KMT2A: variants seen among roughly 807,000 people sequenced by gnomAD.
The protein encoded by KMT2A is histone-lysine N-methyltransferase 2A.
Under a neutral mutation model 345.3 loss-of-function variants are expected in KMT2A, and 16 were observed. The observed-to-expected ratio is 0.05, with a 90% CI of 0.03 to 0.07. The LOEUF is 0.07. KMT2A is among the 10% of genes least tolerant of loss of function. The probability of loss-of-function intolerance (pLI) is 1.00; values close to 1 mark genes in which losing one functional copy is unlikely to be tolerated. For synonymous variants in KMT2A, 1,599 were observed against 1,778.6 expected, an observed-to-expected ratio of 0.90 and a Z score of 2.54; for missense variants, 3,272 against 4,841.6, an observed-to-expected ratio of 0.68 and a Z score of 9.62.
At chr11:118,517,981 C>T (rs1013637602) in intron 31 of KMT2A, among the ~76,000 whole-genome samples, 8 of 152,174 alleles carry the variant, frequency 5.3e-5, no homozygotes, top group Non-Finnish European at 7.3e-5. Context: ...ATTTCCTCTG[C>T]ACCAGGACAT....
rs1555053085 is a variant in KMT2A at position 118,520,239 on chromosome 11, G to C, written c.11429+175G>C. 3.4e-6 allele frequency: 2 copies of C among 583,576 alleles called. No homozygotes were observed. The highest frequency in any genetic ancestry group is 2.8e-5 in the East Asian group (1 of 35,310). The allele number at this position is 583,576 out of a possible 1,614,324, so 36.1% of individuals were successfully genotyped here. A position where few individuals can be genotyped will look rare whatever the true frequency, so the allele number is the denominator to read the frequency against. Reference sequence around the variant, plus strand: ...CCTGGTAAGGAGTGAGGAATATAAGGTACAGAGGAGAAATTCAAAGAACTG... The same window carrying C: ...CCTGGTAAGGAGTGAGGAATATAAGCTACAGAGGAGAAATTCAAAGAACTG... On this transcript the variant is annotated intron_variant, in intron 33 of 35. Transcript: ENST00000534358. The surrounding 1 kb of genome is among the most constrained non-coding windows in gnomAD (Gnocchi z 4.3).
chr11:118,506,504 A>G lies in KMT2A; in HGVS notation c.10612A>G (p.Lys3538Glu), dbSNP rs781884825. Residue 3538 changes from lysine to glutamate, a missense_variant, in exon 27 of 36, where the codon AAA becomes GAA. Transcript: ENST00000534358. The part of the protein sequence containing the change: ...SASPSVPGPT[K>E]PKPKTKRFQL... The stretch of plus-strand genomic sequence containing the variant: ...AAGCCCTTCAGTGCCGGGTCCCACT[A>G]AACCCAAACCAAAAACCAAACGGTT... 1.2e-6 allele frequency: 2 copies of G among 1,614,190 alleles called. No individual in the cohort carries two copies. Among genetic ancestry groups the G allele is most frequent in the South Asian group, 1.1e-5 (1 of 91,082 alleles).
chr11:118,466,610 G>T (rs1949848612), intron 1 of KMT2A, among the ~76,000 whole-genome samples: 1 of 152,088 alleles, frequency 6.6e-6, no homozygotes, highest in African/African-American at 2.4e-5. Context: ...GAGGCCAGGA[G>T]TTCAAGACCA....
intron 1 of KMT2A, among the ~76,000 whole-genome samples, chr11:118,445,967 A>C (rs1949411415): frequency 6.6e-6 from 1 of 150,598 alleles, no homozygotes; most frequent in Admixed American, 6.6e-5. Flanking sequence ...TTCCGCCACT[A>C]CACTCCAGCC....
chr11:118,473,931 ATCT>A lies in KMT2A; in HGVS notation c.2776_2778del (p.Ser926del). 6.2e-7 allele frequency: 1 copy of A among 1,614,142 alleles called. No homozygotes were observed. The highest frequency in any genetic ancestry group is 8.5e-7 in the Non-Finnish European group (1 of 1,179,994). On this transcript the variant is annotated inframe_deletion, in exon 3 of 36. Transcript: ENST00000534358. The surrounding 1 kb of genome is among the most constrained non-coding windows in gnomAD (Gnocchi z 5.2). ...TTGTTGGTGAAGATGTTGCCACTTC[ATCT>A]TCTGCCAAAAAAGCAACAGGGCGGA...
Position 118,473,175 on chromosome 11 carries a change from C to T in KMT2A, c.2016C>T (p.Thr672=), listed in dbSNP as rs368516174. 1.5e-5 allele frequency: 24 copies of T among 1,613,894 alleles called. No individual in the cohort carries two copies. In the African/African-American group the frequency reaches 2.7e-4, roughly 18 times the overall value. The change falls in exon 3 of 36, where the codon ACC becomes ACT. Residue 672 remains threonine, a synonymous_variant. Transcript: ENST00000534358. This position sits in a 1 kb window ranked among gnomAD's most constrained non-coding sequence, Gnocchi z 5.2. ...GFASGFSASG[T]AASARLFSPL... ...CATCTGGTTTTTCTGCATCTGGTAC[C>T]GCTGCTTCAGCCCGATTGTTTTCGC...
In KMT2A at chr11:118,498,429, C is replaced by T. The variant is rs782044507; in HGVS notation, c.5862C>T (p.Thr1954=). 6.2e-7 allele frequency: 1 copy of T among 1,613,794 alleles called. No individual in the cohort carries two copies. The highest frequency in any genetic ancestry group is 1.1e-5 in the South Asian group (1 of 91,068). ...TGGGTTGCTGTCTCACATCCTGCAC[C>T]AGCAACTATCACTTCATGTGTTCCC... ...ATVGCCLTSC[T]SNYHFMCSRA... is the part of the protein sequence containing the mutation. The change falls in exon 22 of 36, where the codon ACC becomes ACT. Residue 1954 remains threonine (T), a synonymous_variant. Coordinates refer to ENST00000534358, the MANE Select transcript of KMT2A (RefSeq NM_001197104.2). The surrounding 1 kb of genome is among the most constrained non-coding windows in gnomAD (Gnocchi z 4.4).
At position 118,473,166 on chromosome 11, in the gene KMT2A, A is replaced by G; in HGVS notation, c.2007A>G (p.Ala669=). The change falls in exon 3 of 36, where the codon GCA becomes GCG. Residue 669 remains alanine, a synonymous_variant. Transcript: ENST00000534358. The surrounding 1 kb of genome is among the most constrained non-coding windows in gnomAD (Gnocchi z 5.2). ...TTGGCTTTGCATCTGGTTTTTCTGC[A>G]TCTGGTACCGCTGCTTCAGCCCGAT... ...EDVGFASGFS[A]SGTAASARLF... 2 of 1,614,098 alleles carry G rather than the reference A, an allele frequency of 1.2e-6. No individual in the cohort carries two copies.
chr11:118,466,401 C>T (rs1949844506), intron 1 of KMT2A, among the ~76,000 whole-genome samples: 1 of 152,196 alleles, frequency 6.6e-6, no homozygotes, highest in Non-Finnish European at 1.5e-5. Context: ...AAGCAGTCCT[C>T]CCATATTGGC....
At chr11:118,499,679 C>G (rs551185278) in intron 23 of KMT2A, among the ~76,000 whole-genome samples, 156 bp from the exon 24 acceptor site, 2 of 151,880 alleles carry the variant, frequency 1.3e-5, no homozygotes, top group East Asian at 3.9e-4. Context: ...ACTTGGGAGG[C>G]TGAGGCACAG....
Position 118,505,345 on chromosome 11 carries a change from T to C in KMT2A, c.9453T>C (p.Ser3151=). 9 of 1,614,190 alleles carry C rather than the reference T, an allele frequency of 5.6e-6. No homozygotes were observed. The highest frequency in any genetic ancestry group is 7.6e-6 in the Non-Finnish European group (9 of 1,180,016). ...SLPTSQSLFP[S]ASKGLLPMSH... Reference sequence around the variant, plus strand: ...CAACTTCTCAATCTTTGTTCCCTTCTGCTAGCAAAGGATTGCTACCCATGT... The same window carrying C: ...CAACTTCTCAATCTTTGTTCCCTTCCGCTAGCAAAGGATTGCTACCCATGT... The change falls in exon 27 of 36, where the codon TCT becomes TCC. Residue 3151 remains serine (S), a synonymous_variant. Coordinates refer to ENST00000534358, the MANE Select transcript of KMT2A (RefSeq NM_001197104.2). This position sits in a 1 kb window ranked among gnomAD's most constrained non-coding sequence, Gnocchi z 4.6.
At position 118,509,984 on chromosome 11, in the gene KMT2A, G is replaced by C. The variant is rs781948266; in HGVS notation, c.10937G>C (p.Ser3646Thr). ...GTGGAAGAAGAGGAAAGTAATTTCAGCTCCCCACTGATGCTTTGGCTTCAG... is the reference window on the plus strand; with the variant it reads ...GTGGAAGAAGAGGAAAGTAATTTCACCTCCCCACTGATGCTTTGGCTTCAG... ...KTVEEEESNFSSPLMLWLQQE... is the reference protein window; with the variant it reads ...KTVEEEESNFTSPLMLWLQQE... Residue 3646 changes from serine (S) to threonine (T), a missense_variant, in exon 30 of 36, where the codon AGC becomes ACC. By Grantham distance (58) the Ser-to-Thr change is moderately conservative. Transcript: ENST00000534358. 6.2e-7 allele frequency: 1 copy of C among 1,612,472 alleles called. No individual in the cohort carries two copies. Among genetic ancestry groups the C allele is most frequent in the African/African-American group, 1.3e-5 (1 of 74,962 alleles).
chr11:118,481,354 T>C (rs1028679079), intron 6 of KMT2A, among the ~76,000 whole-genome samples: 1 of 152,232 alleles, frequency 6.6e-6, no homozygotes, highest in Admixed American at 6.5e-5. Flanking sequence ...ATGTGATGTT[T>C]GTCTCTCTGT....
rs1555039333 is a variant in KMT2A, at chr11:118,481,857, T to C, written c.3777T>C (p.Ser1259=). Residue 1259 remains serine (S), a synonymous_variant, in exon 7 of 36, where the codon AGT becomes AGC. Transcript: ENST00000534358. ...REDPAPKKSS[S]EPPPRKPVEE... Reference sequence around the variant, plus strand: ...ATCCTGCCCCAAAGAAAAGCAGTAGTGAGCCTCCTCCACGAAAGCCCGTCG... The same window carrying C: ...ATCCTGCCCCAAAGAAAAGCAGTAGCGAGCCTCCTCCACGAAAGCCCGTCG... 5 of 1,614,090 alleles carry C rather than the reference T, an allele frequency of 3.1e-6. No individual in the cohort carries two copies. The highest frequency in any genetic ancestry group is 1.1e-5 in the South Asian group (1 of 91,074).
At chr11:118,440,734 A>T (rs1211926037) in intron 1 of KMT2A, among the ~76,000 whole-genome samples, 1 of 151,182 alleles carries the variant, frequency 6.6e-6, no homozygotes, top group Non-Finnish European at 1.5e-5. Context: ...TTTGGATTGG[A>T]CTTGAAAAGA....
chr11:118,436,866 C>T lies in KMT2A; in HGVS notation c.354C>T (p.Val118=), dbSNP rs781996318. The T allele has an allele frequency of 1.9e-6, 3 of 1,596,716 alleles. No homozygotes were observed. Among genetic ancestry groups the T allele is most frequent in the Non-Finnish European group, 2.6e-6 (3 of 1,172,396 alleles). Residue 118 remains valine (V), a synonymous_variant, in exon 1 of 36, where the codon GTC becomes GTT. Coordinates refer to ENST00000534358, the MANE Select transcript of KMT2A (RefSeq NM_001197104.2). This position sits in a 1 kb window ranked among gnomAD's most constrained non-coding sequence, Gnocchi z 6.9. ...CGGGCTTCGACGCGGCGCTGCAGGT[C>T]TCGGCCGCCATCGGCACCAACCTGC... The part of the protein sequence containing the change: ...VGPGFDAALQ[V]SAAIGTNLRR...
rs986372013 is a variant in KMT2A at position 118,437,016 on chromosome 11, G to A, written c.432+72G>A. On this transcript the variant is annotated intron_variant, in intron 1 of 35. Transcript: ENST00000534358. ...GAGCCCCCTCCCCTCCCCCATCCGG[G>A]ATTGAGGAGCATCCCAATTCTGGGA... is the stretch of plus-strand genomic sequence containing the variant. 3 of 1,352,032 alleles carry A rather than the reference G, an allele frequency of 2.2e-6. 1 individual carries two copies. In the South Asian group the frequency reaches 5.2e-5, roughly 24 times the overall value. 83.8% of individuals were successfully genotyped at this position (1,352,032 alleles called of 1,614,324 possible). A position where few individuals can be genotyped will look rare whatever the true frequency, so the allele number is the denominator to read the frequency against.
Position 118,481,821 on chromosome 11 carries a change from A to G in KMT2A, c.3741A>G (p.Ser1247=). The G allele has an allele frequency of 5.0e-6, 8 of 1,614,236 alleles. No homozygotes were observed. The highest frequency in any genetic ancestry group is 6.8e-6 in the Non-Finnish European group (8 of 1,180,042). ...ACTCTAGTCAGAAACCTACCCCATCAGCAAGAGAGGATCCTGCCCCAAAGA... is the reference window on the plus strand; with the variant it reads ...ACTCTAGTCAGAAACCTACCCCATCGGCAAGAGAGGATCCTGCCCCAAAGA... ...VVDSSQKPTP[S]AREDPAPKKS... is the part of the protein sequence containing the mutation. Residue 1247 remains serine (S), a synonymous_variant, in exon 7 of 36, where the codon TCA becomes TCG. Transcript: ENST00000534358.
At chr11:118,492,927 G>T in intron 15 of KMT2A, 130 bp from the exon 16 acceptor site, 1 of 726,352 alleles carries the variant, frequency 1.4e-6, no homozygotes, top group Non-Finnish European at 2.2e-6. Context: ...TGAGAAATCT[G>T]ATTATTTTCA....
Sources: allele counts gnomAD v4.1 joint callset (sites outside exome capture counted in the v4.1 genomes callset), GRCh38; gene constraint gnomAD v4.1.1; non-coding constraint Gnocchi (gnomAD v3.1); transcripts MANE v1.5; gene names NCBI Gene and HGNC (gene_info 2026-07-23, HGNC 2026-07-21).